Variants in GPALPP1 observed in about 807,000 individuals in gnomAD.
GPALPP1 encodes the protein GPALPP motifs-containing protein 1.
GPALPP1 carries 30 observed loss-of-function variants against 38.9 expected under a neutral mutation model. That is an observed-to-expected ratio of 0.77 (90% confidence interval 0.58 to 1.05). The LOEUF (loss-of-function observed/expected upper bound fraction) is 1.05. Ranked by LOEUF, GPALPP1 falls within the 50% of genes least tolerant of loss-of-function variation. The pLI is 0.00. For synonymous variants in GPALPP1, 120 were observed against 139.2 expected (o/e 0.86, Z 0.97); for missense variants, 384 against 408.8 (o/e 0.94, Z 0.52).
intron 6 of GPALPP1, among the ~76,000 whole-genome samples, chr13:45,019,159 A>T (rs1005031407): frequency 3.6e-4 from 52 of 145,872 alleles, no homozygotes; most frequent in African/African-American, 1.2e-3. Context: ...GTATATATAT[A>T]TTTTTTGAGA....
chr13:45,025,685 G>C (rs1053464830), intron 7 of GPALPP1, among the ~76,000 whole-genome samples: 2 of 151,924 alleles, frequency 1.3e-5, no homozygotes, highest in Non-Finnish European at 2.9e-5. Context: ...TACCAGTGTT[G>C]AAAGCAGCAG....
chr13:45,033,220 C>T (rs1449211806), downstream of GPALPP1: 1 of 152,096 alleles, frequency 6.6e-6, no homozygotes, highest in African/African-American at 2.4e-5. Context: ...CTTCTCTTTT[C>T]ATTTTTTCCA....
At chr13:45,035,840 G>A (rs891787684) in exon 8 of GPALPP1, 6 of 152,196 alleles carry the variant, frequency 3.9e-5, no homozygotes, top group Non-Finnish European at 8.8e-5. Flanking sequence ...AATTATCCCA[G>A]GCCATTCTTT....
At chr13:45,019,291 A>G (rs1403512991) in intron 6 of GPALPP1, among the ~76,000 whole-genome samples, 1 of 151,410 alleles carries the variant, frequency 6.6e-6, no homozygotes, top group Non-Finnish European at 1.5e-5. Flanking sequence ...GGGACCACAG[A>G]CACTCGCCAC....
chr13:45,021,867 A>C (rs966034555), intron 7 of GPALPP1, among the ~76,000 whole-genome samples: 2 of 152,208 alleles, frequency 1.3e-5, no homozygotes, highest in African/African-American at 4.8e-5. Context: ...GCCTTTTTCC[A>C]AACTGGCATT....
chr13:45,031,665 T>G (rs1317414527), downstream of GPALPP1: 1 of 152,170 alleles, frequency 6.6e-6, no homozygotes, highest in East Asian at 1.9e-4. Flanking sequence ...TTTAACAAAA[T>G]GTAAGGCCAG....
chr13:45,006,127 T>A lies in GPALPP1; in HGVS notation c.222-75T>A, dbSNP rs1025015354. 5.2e-5 allele frequency: 40 copies of A among 770,140 alleles called. 1 individual carries two copies. The highest frequency in any genetic ancestry group is 7.4e-5 in the South Asian group (4 of 54,164). 47.7% of individuals were successfully genotyped at this position (770,140 alleles called of 1,614,324 possible). On this transcript the variant is annotated intron_variant, in intron 2 of 7. Transcript: ENST00000379151. Reference sequence around the variant, plus strand: ...TATACAACTAGATTTAATGCTTTTTTAAAAAAAATTAAAATGTGCTTTTGT... The same window carrying A: ...TATACAACTAGATTTAATGCTTTTTAAAAAAAAATTAAAATGTGCTTTTGT...
intron 1 of GPALPP1, among the ~76,000 whole-genome samples, chr13:45,002,992 A>G (rs192631983): frequency 6.6e-6 from 1 of 152,300 alleles, no homozygotes; most frequent in East Asian, 1.9e-4. Flanking sequence ...TAGCATTTAC[A>G]CTATCTGAAT....
At chr13:44,989,922 C>T (rs1184150907) in intron 1 of GPALPP1, 180 bp downstream of exon 1, 2 of 597,828 alleles carry the variant, frequency 3.3e-6, no homozygotes, top group African/African-American at 3.7e-5. Flanking sequence ...GGGGGACCCT[C>T]CTAGAAACGA....
Position 45,022,516 on chromosome 13 carries a change from A to C in GPALPP1, c.804+2088A>C, listed in dbSNP as rs192021114. On this transcript the variant is annotated intron_variant, in intron 7 of 7. Transcript: ENST00000379151. ...AGTGATGTTTACAGTTTACTTTAAA[A>C]TGCATCCAAAAAATTAGGGTTCTAA... Among the ~76,000 whole-genome samples the C allele has an allele frequency of 3.2e-3, 483 of 152,256 alleles. 1 individual carries two copies. The highest frequency in any genetic ancestry group is 6.9e-3 in the Middle Eastern group (2 of 290).
intron 6 of GPALPP1, among the ~76,000 whole-genome samples, 170 bp from the exon 7 acceptor site, chr13:45,020,160 C>T (rs930419982): frequency 2.3e-4 from 35 of 152,100 alleles, no homozygotes; most frequent in Admixed American, 1.4e-3. Context: ...GGATTACAGG[C>T]GTGAGTCACT....
chr13:45,013,459 T>A (rs1874618349), intron 4 of GPALPP1, among the ~76,000 whole-genome samples: 1 of 152,252 alleles, frequency 6.6e-6, no homozygotes, highest in Non-Finnish European at 1.5e-5. Context: ...AATTGTGTCA[T>A]GTCCATGCCT....
intron 3 of GPALPP1, among the ~76,000 whole-genome samples, chr13:45,007,222 G>C (rs918371036): frequency 1.5e-4 from 23 of 151,970 alleles, no homozygotes; most frequent in African/African-American, 5.6e-4. Context: ...TTTATAGAAA[G>C]TTTGCTGACC....
At chr13:45,004,567 C>T in intron 2 of GPALPP1, 130 bp downstream of exon 2, 1 of 601,370 alleles carries the variant, frequency 1.7e-6, no homozygotes. Flanking sequence ...TTTTGTGTGG[C>T]ATTTCATCCT....
At chr13:45,032,949 A>C (rs567722213), downstream of GPALPP1, among the ~76,000 whole-genome samples, 1 of 151,552 alleles carries the variant, frequency 6.6e-6, no homozygotes, top group South Asian at 2.1e-4. Flanking sequence ...AGGCAGAAGA[A>C]TTGCTTGAAC....
At chr13:44,998,371 G>C (rs1326345139) in intron 1 of GPALPP1, among the ~76,000 whole-genome samples, 1 of 151,740 alleles carries the variant, frequency 6.6e-6, no homozygotes. Flanking sequence ...CTTTCTCACT[G>C]TCTCTGGGTC....
chr13:45,002,747 A>C (rs1873789610), intron 1 of GPALPP1, among the ~76,000 whole-genome samples: 1 of 152,226 alleles, frequency 6.6e-6, no homozygotes, highest in African/African-American at 2.4e-5. Flanking sequence ...TGGCCCCTTT[A>C]TACCATCCAA....
intron 4 of GPALPP1, among the ~76,000 whole-genome samples, chr13:45,009,803 A>T (rs1389602526): frequency 1.3e-5 from 2 of 152,248 alleles, no homozygotes; most frequent in Non-Finnish European, 2.9e-5. Flanking sequence ...TGGCAGGCAC[A>T]TAGTCACAGA....
intron 1 of GPALPP1, 52 bp from the exon 2 acceptor site, chr13:45,004,253 G>A (rs373184855): frequency 2.2e-5 from 33 of 1,482,254 alleles, no homozygotes; most frequent in Non-Finnish European, 2.8e-5. Flanking sequence ...CAGCTAGAAG[G>A]GTTCATTGAA....
Sources: allele counts gnomAD v4.1 joint callset (sites outside exome capture counted in the v4.1 genomes callset), GRCh38; gene constraint gnomAD v4.1.1; transcripts MANE v1.5; gene names NCBI Gene and HGNC (gene_info 2026-07-23, HGNC 2026-07-21).